Variants in ARSG observed in about 807,000 individuals in gnomAD.
ARSG encodes arylsulfatase G.
Under a neutral mutation model 50.5 loss-of-function variants are expected in ARSG, and 37 were observed. The observed-to-expected ratio is 0.73, with a 90% CI of 0.56 to 0.96. ARSG has a LOEUF of 0.96. Ranked by LOEUF, ARSG falls within the 50% of genes least tolerant of loss-of-function variation. ARSG has a pLI of 0.00. For synonymous variants in ARSG, 225 were observed against 254.6 expected, an observed-to-expected ratio of 0.88 and a Z score of 1.11; for missense variants, 629 against 675.3, an observed-to-expected ratio of 0.93 and a Z score of 0.76.
chr17:68,328,794 A>G (rs1249068527), intron 2 of ARSG, among the ~76,000 whole-genome samples: 1 of 152,204 alleles, frequency 6.6e-6, no homozygotes, highest in African/African-American at 2.4e-5. Context: ...CCTGCAGAGA[A>G]CCCAGCTGAG....
intron 11 of ARSG, 123 bp from the exon 12 acceptor site, chr17:68,420,066 A>G: frequency 1.8e-6 from 2 of 1,111,078 alleles, no homozygotes; most frequent in Non-Finnish European, 2.6e-6. Flanking sequence ...AGAGAGAGCC[A>G]TCATTGGAAC....
chr17:68,266,218 A>G (rs1443796597), intron 1 of ARSG, among the ~76,000 whole-genome samples: 1 of 151,842 alleles, frequency 6.6e-6, no homozygotes, highest in Non-Finnish European at 1.5e-5. Flanking sequence ...ATGCTTCTTC[A>G]TTTGATTATA....
chr17:68,368,599 G>A lies in ARSG; in HGVS notation c.756G>A (p.Val252=), dbSNP rs143544810. ...ATGTGGCTCTGGCCCACATGCACGTGCCCTTACCTGTGACTCAGCTACCAG... is the reference window on the plus strand; with the variant it reads ...ATGTGGCTCTGGCCCACATGCACGTACCCTTACCTGTGACTCAGCTACCAG... ...LLYVALAHMH[V]PLPVTQLPAA... Residue 252 remains valine (V), a synonymous_variant, in exon 7 of 12, where the codon GTG becomes GTA. Transcript: ENST00000621439. 336 of 1,614,176 alleles carry A rather than the reference G, an allele frequency of 2.1e-4. 1 individual carries two copies. The African/African-American group carries it at 3.9e-3, about 19-fold the overall frequency.
chr17:68,393,050 C>T (rs1228537940), intron 9 of ARSG, among the ~76,000 whole-genome samples: 3 of 152,146 alleles, frequency 2.0e-5, no homozygotes, highest in Admixed American at 6.5e-5. Context: ...CCTTGTGAAT[C>T]ATTAAGACAC....
At chr17:68,295,759 A>G (rs1340521586) in intron 1 of ARSG, among the ~76,000 whole-genome samples, 1 of 143,758 alleles carries the variant, frequency 7.0e-6, no homozygotes, top group Non-Finnish European at 1.5e-5. Context: ...GGCTCACTGC[A>G]ACCTCTGCCT....
At chr17:68,283,758 A>ATCCCAGCT (rs2145143567) in intron 1 of ARSG, among the ~76,000 whole-genome samples, 1 of 149,512 alleles carries the variant, frequency 6.7e-6, no homozygotes, top group Admixed American at 6.7e-5. Context: ...CACGCCTGTA[A>ATCCCAGCT]TCCCAGCTAC....
chr17:68,375,325 G>C (rs1006398596), intron 8 of ARSG, among the ~76,000 whole-genome samples: 1 of 152,184 alleles, frequency 6.6e-6, no homozygotes, highest in Non-Finnish European at 1.5e-5. Context: ...GGTTATCAAA[G>C]TGTGGTCCCT....
rs782357159 is a variant in ARSG at position 68,271,427 on chromosome 17, T to G, written c.-552+12001T>G. 25 of 1,614,218 alleles carry G rather than the reference T, an allele frequency of 1.5e-5. No individual in the cohort carries two copies. Among genetic ancestry groups the G allele is most frequent in the East Asian group, 2.2e-5 (1 of 44,880 alleles). ...GTAGGCACATTTTTAGGTGAGGTAG[T>G]TAGTTCTACTCCTGAGTCAATGGAG... is the stretch of plus-strand genomic sequence containing the variant. On this transcript the variant is annotated intron_variant, in intron 1 of 11. Transcript: ENST00000448504. This position sits in a 1 kb window ranked among gnomAD's most constrained non-coding sequence, Gnocchi z 5.3.
intron 6 of ARSG, among the ~76,000 whole-genome samples, chr17:68,361,795 T>C (rs1315294972): frequency 1.3e-5 from 2 of 152,064 alleles, no homozygotes; most frequent in Non-Finnish European, 2.9e-5. Context: ...CACATGCCTG[T>C]AATCCCAGCT....
chr17:68,269,118 T>C, intron 1 of ARSG: 1 of 1,515,098 alleles, frequency 6.6e-7, no homozygotes, highest in African/African-American at 1.4e-5. Context: ...CATTTGCACG[T>C]GAACTCTGTG....
chr17:68,430,211 G>T, the ARSG span: 5 of 1,550,002 alleles, frequency 3.2e-6, no homozygotes, highest in Non-Finnish European at 3.5e-6. Flanking sequence ...GGCCCCACAC[G>T]CACCCAGGAA....
chr17:68,298,010 C>G (rs2076271364), intron 1 of ARSG, among the ~76,000 whole-genome samples: 1 of 148,656 alleles, frequency 6.7e-6, no homozygotes, highest in Admixed American at 6.7e-5. Context: ...AATTCCAGGC[C>G]AAAACTCCAT....
At chr17:68,274,123 C>T in intron 1 of ARSG, 1 of 1,584,710 alleles carries the variant, frequency 6.3e-7, no homozygotes, top group Non-Finnish European at 8.6e-7. Flanking sequence ...TCAGGGTTAG[C>T]TGCCATAAGA....
intron 1 of ARSG, among the ~76,000 whole-genome samples, chr17:68,282,779 T>TAAAAAAAAAAAAAAAAAAAAAAAAAAAAA (rs36155626): frequency 1.9e-5 from 1 of 53,398 alleles, no homozygotes; most frequent in African/African-American, 9.3e-5. Flanking sequence ...CCATCTCTAC[T>TAAAAAAAAAAAAAAAAAAAAAAAAAAAAA]AAAAAAAAAA....
chr17:68,299,595 C>T (rs2076339296), intron 1 of ARSG, among the ~76,000 whole-genome samples: 2 of 151,732 alleles, frequency 1.3e-5, no homozygotes, highest in South Asian at 4.2e-4. Flanking sequence ...TCAGCTAAAT[C>T]CAAAATTTGA....
chr17:68,432,844 T>G, the ARSG span, among the ~76,000 whole-genome samples: 1 of 152,168 alleles, frequency 6.6e-6, no homozygotes, highest in Non-Finnish European at 1.5e-5. Context: ...GGCTGCTCCT[T>G]TCTCACTCCT....
At chr17:68,278,182 CACCA>C (rs782253926) in intron 1 of ARSG, 1 of 1,614,136 alleles carries the variant, frequency 6.2e-7, no homozygotes, top group Non-Finnish European at 8.5e-7. Flanking sequence ...TTAAAGAAGA[CACCA>C]AATGTCTTGA....
chr17:68,441,941 C>T, the ARSG span, among the ~76,000 whole-genome samples: 2 of 152,292 alleles, frequency 1.3e-5, no homozygotes, highest in African/African-American at 2.4e-5. Flanking sequence ...TGGATCCTTT[C>T]ATAAGGAGGC....
At chr17:68,285,502 T>A (rs1270947502) in intron 1 of ARSG, 4 of 152,240 alleles carry the variant, frequency 2.6e-5, no homozygotes, top group Non-Finnish European at 5.9e-5. Context: ...AAACCCCGTC[T>A]CTACTAAAAT....
Sources: gnomAD v4.1 joint callset for allele counts (sites outside exome capture counted in the v4.1 genomes callset) on GRCh38, gnomAD v4.1.1 for gene constraint, Gnocchi (gnomAD v3.1) non-coding constraint, MANE v1.5 for transcripts, NCBI Gene and HGNC (gene_info 2026-07-23, HGNC 2026-07-21) for gene names.